Variants in RHOBTB1 observed in about 807,000 individuals in gnomAD.
RHOBTB1 encodes rho-related BTB domain-containing protein 1.
RHOBTB1 carries 40 observed loss-of-function variants against 71.6 expected under a neutral mutation model. That is an observed-to-expected ratio of 0.56 (90% CI 0.43 to 0.73). RHOBTB1 has a LOEUF of 0.73. Ranked by LOEUF, RHOBTB1 falls within the 30% of genes least tolerant of loss-of-function variation. The pLI, the probability that RHOBTB1 is intolerant of heterozygous loss-of-function variation, is 0.00. For synonymous variants in RHOBTB1, 319 were observed against 334.9 expected, an observed-to-expected ratio of 0.95 and a Z score of 0.52; for missense variants, 797 against 894.0, an observed-to-expected ratio of 0.89 and a Z score of 1.38.
intron 2 of RHOBTB1, among the ~76,000 whole-genome samples, chr10:60,969,747 T>C (rs895340721): frequency 6.6e-6 from 1 of 152,184 alleles, no homozygotes; most frequent in Admixed American, 6.6e-5. Flanking sequence ...CTTGAGAGTC[T>C]TCAGTTCTAG....
upstream of RHOBTB1, among the ~76,000 whole-genome samples, chr10:60,947,738 A>G (rs1230649026): frequency 6.6e-6 from 1 of 152,184 alleles, no homozygotes; most frequent in Non-Finnish European, 1.5e-5. Context: ...ACTGAAGGAT[A>G]TTTGAGTAGT....
At chr10:60,919,260 A>C (rs2083430180) in intron 2 of RHOBTB1, among the ~76,000 whole-genome samples, 1 of 152,242 alleles carries the variant, frequency 6.6e-6, no homozygotes, top group African/African-American at 2.4e-5. Context: ...AAAAAATACT[A>C]GTGCAACAAA....
chr10:60,899,349 T>C (rs1026926064), intron 4 of RHOBTB1, among the ~76,000 whole-genome samples: 2 of 152,240 alleles, frequency 1.3e-5, no homozygotes, highest in African/African-American at 2.4e-5. Context: ...GGAGTTCATA[T>C]TCCTCTTTGG....
intron 4 of RHOBTB1, among the ~76,000 whole-genome samples, chr10:60,897,789 C>A (rs1589229119): frequency 6.6e-6 from 1 of 152,160 alleles, no homozygotes; most frequent in Non-Finnish European, 1.5e-5. Context: ...TCACTGCAAC[C>A]TCCACCTCCC....
At chr10:60,996,221 C>CT (rs2087043766) in intron 1 of RHOBTB1, among the ~76,000 whole-genome samples, 1 of 152,294 alleles carries the variant, frequency 6.6e-6, no homozygotes, top group African/African-American at 2.4e-5. Flanking sequence ...AATGAAGACT[C>CT]TTTATTTTCC....
intron 1 of RHOBTB1, among the ~76,000 whole-genome samples, chr10:60,988,041 C>T (rs1199637253): frequency 6.7e-6 from 1 of 149,722 alleles, no homozygotes. Flanking sequence ...ACGCCATTCT[C>T]CTGCCTCAGC....
intron 9 of RHOBTB1, among the ~76,000 whole-genome samples, chr10:60,874,693 T>A (rs532646893): frequency 6.2e-4 from 94 of 152,236 alleles, no homozygotes; most frequent in African/African-American, 2.0e-3. Context: ...CCCAAGTGAT[T>A]TTCCTACATA....
intron 2 of RHOBTB1, among the ~76,000 whole-genome samples, chr10:60,928,246 G>C (rs10821860): frequency 0.048 from 7,229 of 151,754 alleles, 263 homozygotes; most frequent in Non-Finnish European, 0.07. Flanking sequence ...GGCCATTTTG[G>C]AAAACTATAT....
chr10:60,933,255 T>C lies in RHOBTB1; in HGVS notation c.-11+8549A>G, dbSNP rs1434061985. Among the ~76,000 whole-genome samples, 5 of 152,186 alleles carry C rather than the reference T, an allele frequency of 3.3e-5. No homozygotes were observed. In the South Asian group the frequency reaches 8.3e-4, roughly 25 times the overall value. On this transcript the variant is annotated intron_variant, in intron 2 of 10. Transcript: ENST00000337910. ...GTAGAAATTATTACATGAAAGATTG[T>C]ACAATTTTAAAAAGCAGGATGAAGC...
intron 7 of RHOBTB1, among the ~76,000 whole-genome samples, chr10:60,878,355 T>G (rs374841085): frequency 6.6e-6 from 1 of 152,200 alleles, no homozygotes; most frequent in African/African-American, 2.4e-5. Flanking sequence ...TTAGGGGCCC[T>G]CATGCCAAGC....
intron 1 of RHOBTB1, chr10:60,985,991 AG>A (rs1302914930): frequency 6.6e-6 from 1 of 152,194 alleles, no homozygotes; most frequent in Non-Finnish European, 1.5e-5. Flanking sequence ...ACTATCAAGA[AG>A]AAAACCACTC....
intron 2 of RHOBTB1, among the ~76,000 whole-genome samples, chr10:60,958,251 A>G (rs2085662270): frequency 6.6e-6 from 1 of 152,198 alleles, no homozygotes; most frequent in Non-Finnish European, 1.5e-5. Flanking sequence ...GTTACAAAGA[A>G]CACTAATGGG....
chr10:60,964,051 A>G (rs2085874883), intron 2 of RHOBTB1, among the ~76,000 whole-genome samples: 1 of 152,126 alleles, frequency 6.6e-6, no homozygotes. Context: ...CACAAAAAAG[A>G]CCTACCAACC....
At chr10:60,884,783 G>A (rs1014040041) in intron 7 of RHOBTB1, among the ~76,000 whole-genome samples, 19 of 152,120 alleles carry the variant, frequency 1.2e-4, no homozygotes, top group African/African-American at 3.9e-4. Context: ...ATCTAAAAAC[G>A]TTGAACTCCA....
chr10:60,972,402 G>A (rs1237502378), intron 2 of RHOBTB1, among the ~76,000 whole-genome samples: 2 of 152,046 alleles, frequency 1.3e-5, no homozygotes, highest in Non-Finnish European at 2.9e-5. Flanking sequence ...GGATGAAGCT[G>A]GAAACCATCA....
chr10:60,986,433 A>T (rs12766215), intron 1 of RHOBTB1, among the ~76,000 whole-genome samples: 5,728 of 136,082 alleles, frequency 0.042, 237 homozygotes, highest in African/African-American at 0.072. Flanking sequence ...ATATATATAA[A>T]ATATATATAG....
intron 2 of RHOBTB1, chr10:60,912,649 C>T (rs2083053650): frequency 6.6e-6 from 1 of 152,136 alleles, no homozygotes; most frequent in Admixed American, 6.5e-5. Flanking sequence ...AGGAGAGTTA[C>T]TTTGGAATCT....
chr10:60,920,032 C>T (rs58881527), intron 2 of RHOBTB1, among the ~76,000 whole-genome samples: 9,100 of 152,276 alleles, frequency 0.06, 532 homozygotes, highest in African/African-American at 0.15. Flanking sequence ...GGTTCAGACA[C>T]ATGGGTCTAC....
At position 60,984,334 on chromosome 10, in the gene RHOBTB1, A is replaced by G. The variant is rs2086594977; in HGVS notation, c.-62+1511T>C. Among the ~76,000 whole-genome samples, 18 of 152,354 alleles carry G rather than the reference A, an allele frequency of 1.2e-4. No individual in the cohort carries two copies. The South Asian group carries it at 3.7e-3, about 32-fold the overall frequency. On this transcript the variant is annotated intron_variant, in intron 2 of 11. Coordinates refer to the RHOBTB1 transcript ENST00000357917. Reference sequence around the variant, plus strand: ...AATTTAAACTAAAAAAATAACATTTAATGGATTGACTTTTCTAAAATATTG... The same window carrying G: ...AATTTAAACTAAAAAAATAACATTTGATGGATTGACTTTTCTAAAATATTG...
Sources: allele counts gnomAD v4.1 joint callset (sites outside exome capture counted in the v4.1 genomes callset), GRCh38; gene constraint gnomAD v4.1.1; transcripts MANE v1.5; gene names NCBI Gene and HGNC (gene_info 2026-07-23, HGNC 2026-07-21).